Variants in SPATA13 observed in about 807,000 individuals in gnomAD.
SPATA13 encodes spermatogenesis associated 13, also known as spermatogenesis-associated protein 13.
In SPATA13, 50 loss-of-function variants were observed where a neutral mutation model predicts 104.0. The ratio of observed to expected loss-of-function variants is 0.48; its 90% CI spans 0.38 to 0.61. The LOEUF is 0.61. Ranked by LOEUF, SPATA13 falls within the 20% of genes least tolerant of loss-of-function variation. The probability of loss-of-function intolerance (pLI) is 0.00; values close to 1 mark genes in which losing one functional copy is unlikely to be tolerated. For synonymous variants in SPATA13, 606 were observed against 667.5 expected (o/e 0.91, Z 1.42); for missense variants, 1,524 against 1,690.6 (o/e 0.90, Z 1.73).
intron 2 of SPATA13, among the ~76,000 whole-genome samples, chr13:24,240,264 A>T (rs1872768795): frequency 6.6e-6 from 1 of 152,166 alleles, no homozygotes; most frequent in African/African-American, 2.4e-5. Flanking sequence ...GTCTTTAAAA[A>T]AAAAAAAAAT....
intron 3 of SPATA13, among the ~76,000 whole-genome samples, chr13:24,090,487 G>A (rs1039752219): frequency 2.6e-5 from 4 of 152,140 alleles, no homozygotes; most frequent in African/African-American, 9.7e-5. Context: ...TCACCGAACG[G>A]TGTCCTCACC....
intron 3 of SPATA13, among the ~76,000 whole-genome samples, chr13:24,108,486 C>T (rs982490670): frequency 1.3e-5 from 2 of 152,134 alleles, no homozygotes; most frequent in Admixed American, 6.5e-5. Flanking sequence ...GGGAGCCTGC[C>T]TGGGACTCTT....
At chr13:24,284,021 G>A in intron 4 of SPATA13, 114 bp from the exon 5 acceptor site, 1 of 1,063,168 alleles carries the variant, frequency 9.4e-7, no homozygotes, top group Non-Finnish European at 1.4e-6. Flanking sequence ...CTTATTCTGA[G>A]TAAGATGCAG....
intron 4 of SPATA13, chr13:24,278,588 A>G (rs1479191512): frequency 1.4e-6 from 2 of 1,416,016 alleles, no homozygotes; most frequent in Admixed American, 3.3e-5. Flanking sequence ...ACATCTTGCA[A>G]TTCTATACTG....
intron 1 of SPATA13, among the ~76,000 whole-genome samples, chr13:24,202,690 T>C (rs7326946): frequency 0.028 from 4,129 of 148,996 alleles, 204 homozygotes; most frequent in African/African-American, 0.096. Flanking sequence ...CGGAAGAGAG[T>C]GAGAACTGTC....
chr13:24,184,246 TA>T (rs1207004133), intron 1 of SPATA13, among the ~76,000 whole-genome samples: 1 of 152,218 alleles, frequency 6.6e-6, no homozygotes, highest in East Asian at 1.9e-4. Context: ...GGAAATTCCA[TA>T]CAGAAAATTC....
At chr13:24,037,021 A>G (rs1431298133) in intron 3 of SPATA13, among the ~76,000 whole-genome samples, 1 of 151,934 alleles carries the variant, frequency 6.6e-6, no homozygotes. Flanking sequence ...TGATCTGCCC[A>G]CTTCAGTCTC....
chr13:24,184,374 C>T (rs1422930200), intron 1 of SPATA13, among the ~76,000 whole-genome samples: 1 of 152,202 alleles, frequency 6.6e-6, no homozygotes, highest in East Asian at 1.9e-4. Flanking sequence ...AGAACCTGCA[C>T]CTGCTGTGCG....
intron 4 of SPATA13, among the ~76,000 whole-genome samples, chr13:24,272,046 G>A (rs879305303): frequency 8.5e-5 from 13 of 152,230 alleles, no homozygotes; most frequent in Admixed American, 7.2e-4. Flanking sequence ...TAATGCTAGC[G>A]AGACGGCACT....
intron 2 of SPATA13, among the ~76,000 whole-genome samples, chr13:23,997,544 C>T (rs2137667865): frequency 1.6e-5 from 1 of 61,214 alleles, no homozygotes; most frequent in South Asian, 3.5e-4. Flanking sequence ...TATATTAGTC[C>T]ATTTTGCATT....
rs142050248 is a variant in SPATA13 at position 24,030,563 on chromosome 13, C to G, written c.-112+12862C>G. On this transcript the variant is annotated intron_variant, in intron 3 of 14. Coordinates refer to the SPATA13 transcript ENST00000424834. ...TTCCATTAATATTAAAGCCCCAGCC[C>G]CAGAGCCTAGAGCTTTAGATGTCCC... 3.7e-3 allele frequency among the ~76,000 whole-genome samples: 556 copies of G among 152,286 alleles called. 2 individuals carry two copies. Among genetic ancestry groups the G allele is most frequent in the African/African-American group, 0.012 (518 of 41,552 alleles).
At chr13:24,077,262 C>CAAAAAAAAAAAAAAAAAAAAAA (rs60810328) in intron 3 of SPATA13, among the ~76,000 whole-genome samples, 1 of 73,038 alleles carries the variant, frequency 1.4e-5, no homozygotes, top group Non-Finnish European at 2.5e-5. Context: ...GACTCCATGT[C>CAAAAAAAAAAAAAAAAAAAAAA]AAAAAAAAAA....
chr13:24,249,775 C>T lies in SPATA13; in HGVS notation c.1952C>T (p.Ser651Phe). The change falls in exon 3 of 13, where the codon TCC becomes TTC. Residue 651 changes from serine (S) to phenylalanine (F), a missense_variant. Ser to Phe is a radical substitution (Grantham distance 155, BLOSUM62 -2). Coordinates refer to ENST00000382108, the MANE Select transcript of SPATA13 (RefSeq NM_001166271.3). ...GGAGCCCGGAGAAGGCGCCCCATTT[C>T]CGTGATAGGTGGGGTCAGCTTGTAT... ...PKGARRRRPI[S>F]VIGGVSLYGT... 1 of 1,614,006 alleles carries T rather than the reference C, an allele frequency of 6.2e-7. No homozygotes were observed. Among genetic ancestry groups the T allele is most frequent in the South Asian group, 1.1e-5 (1 of 91,078 alleles).
At chr13:23,991,306 G>A (rs894517629) in intron 2 of SPATA13, among the ~76,000 whole-genome samples, 8 of 152,168 alleles carry the variant, frequency 5.3e-5, no homozygotes, top group African/African-American at 9.7e-5. Flanking sequence ...GCTGATTCAG[G>A]GCAATAAATC....
chr13:24,291,797 C>T (rs1441443177), intron 9 of SPATA13, among the ~76,000 whole-genome samples: 7 of 139,016 alleles, frequency 5.0e-5, no homozygotes, highest in South Asian at 2.2e-4. Flanking sequence ...TCGCCCAGGC[C>T]GGACTGCGGA....
chr13:24,096,098 CTTG>C (rs1593326232), intron 3 of SPATA13, among the ~76,000 whole-genome samples: 1 of 152,180 alleles, frequency 6.6e-6, no homozygotes, highest in Non-Finnish European at 1.5e-5. Flanking sequence ...CAGGCCATGC[CTTG>C]TTGTGATGCT....
chr13:24,234,751 A>C (rs1872482993), intron 2 of SPATA13, among the ~76,000 whole-genome samples: 1 of 151,994 alleles, frequency 6.6e-6, no homozygotes, highest in Non-Finnish European at 1.5e-5. Context: ...AGGATATAGC[A>C]CTCACAGCTG....
intron 3 of SPATA13, among the ~76,000 whole-genome samples, chr13:24,079,731 T>C (rs919357265): frequency 5.3e-5 from 8 of 152,204 alleles, no homozygotes; most frequent in African/African-American, 1.2e-4. Context: ...TGCAATTATA[T>C]ATCATTAGTT....
intron 3 of SPATA13, among the ~76,000 whole-genome samples, chr13:24,047,541 G>A (rs1878194231): frequency 6.6e-6 from 1 of 152,228 alleles, no homozygotes. Context: ...GATGGAATTA[G>A]TTAGGTTAAA....
Sources: allele counts gnomAD v4.1 joint callset (sites outside exome capture counted in the v4.1 genomes callset), GRCh38; gene constraint gnomAD v4.1.1; transcripts MANE v1.5; gene names NCBI Gene and HGNC (gene_info 2026-07-23, HGNC 2026-07-21).